The following FGF4 variants were observed in gnomAD, a reference collection of about 807,000 sequenced individuals.
The protein encoded by FGF4 is heparin secretory transforming protein 1.
Under a neutral mutation model 15.7 loss-of-function variants are expected in FGF4, and 9 were observed. The ratio of observed to expected loss-of-function variants is 0.57; its 90% CI spans 0.35 to 1.00. FGF4 has a LOEUF of 1.00. Among genes scored for constraint, FGF4 ranks in the 50% least tolerant of loss-of-function variants. The pLI is 0.02. For missense variants in FGF4, 286 were observed against 297.3 expected (o/e 0.96, Z 0.28); for synonymous variants, 164 against 144.8 (o/e 1.13, Z -0.95).
Position 69,775,039 on chromosome 11 carries a change from G to A in FGF4, c.46C>T (p.Leu16=), listed in dbSNP as rs1855624517. 2 of 1,409,542 alleles carry A rather than the reference G, an allele frequency of 1.4e-6. No individual in the cohort carries two copies. The highest frequency in any genetic ancestry group is 1.8e-6 in the Non-Finnish European group (2 of 1,088,650). 87.3% of individuals were successfully genotyped at this position (1,409,542 alleles called of 1,614,324 possible). ...TAAVALLPAV[L]LALLAPWAGR... ...GCCCAGGGCGCCAGCAAGGCCAGCAGGACCGCCGGGAGCAGCGCTACCGCG... is the reference window on the plus strand; with the variant it reads ...GCCCAGGGCGCCAGCAAGGCCAGCAAGACCGCCGGGAGCAGCGCTACCGCG... Residue 16 remains leucine, a synonymous_variant, in exon 1 of 3, where the codon CTG becomes TTG. Coordinates refer to ENST00000168712, the MANE Select transcript of FGF4 (RefSeq NM_002007.4).
chr11:69,773,283 G>T lies in FGF4; in HGVS notation c.*26C>A. On this transcript the variant is annotated 3_prime_UTR_variant, in exon 3 of 3. Coordinates refer to ENST00000168712, the MANE Select transcript of FGF4 (RefSeq NM_002007.4). ...CACTGCCCTCCCAGGGGCTTCCCGA[G>T]GCTGAGGCAAGGGTCCTCTGGAGGG... is the stretch of plus-strand genomic sequence containing the variant. 1 of 1,612,038 alleles carries T rather than the reference G, an allele frequency of 6.2e-7. No homozygotes were observed.
rs777714197 is a variant in FGF4, at chr11:69,771,955, G to A, written c.*1354C>T. 13 of 152,024 alleles carry A rather than the reference G, an allele frequency of 8.6e-5. No homozygotes were observed. Among genetic ancestry groups the A allele is most frequent in the Non-Finnish European group, 1.8e-4 (12 of 68,028 alleles). The allele number at this position is 152,024 out of a possible 1,614,324, so 9.4% of individuals were successfully genotyped here. A position where few individuals can be genotyped will look rare whatever the true frequency, so the allele number is the denominator to read the frequency against. Reference sequence around the variant, plus strand: ...ACATCACCGACCCTGCCTCTTCCACGGTTGCTTCAATGACAGGGGTTACAT... The same window carrying A: ...ACATCACCGACCCTGCCTCTTCCACAGTTGCTTCAATGACAGGGGTTACAT... On this transcript the variant is annotated 3_prime_UTR_variant, in exon 3 of 3. Coordinates refer to ENST00000168712, the MANE Select transcript of FGF4 (RefSeq NM_002007.4).
In FGF4 at chr11:69,773,407, G is replaced by A. The variant is rs150074947; in HGVS notation, c.523C>T (p.Pro175Ser). 2.4e-3 allele frequency: 3,928 copies of A among 1,614,118 alleles called. 3 individuals are homozygous for A. The highest frequency in any genetic ancestry group is 3.1e-3 in the Non-Finnish European group (3,664 of 1,179,984). ...NYNAYESYKY[P>S]GMFIALSKNG... is the part of the protein sequence containing the mutation. ...TTGCTCAGGGCGATGAACATGCCGGGGTACTTGTAGGACTCGTAGGCGTTG... is the reference window on the plus strand; with the variant it reads ...TTGCTCAGGGCGATGAACATGCCGGAGTACTTGTAGGACTCGTAGGCGTTG... The change falls in exon 3 of 3, where the codon CCC becomes TCC. Residue 175 changes from proline (P) to serine (S), a missense_variant. Pro to Ser is a moderately conservative substitution (Grantham distance 74, BLOSUM62 -1). Transcript: ENST00000168712.
chr11:69,774,934 C>A lies in FGF4; in HGVS notation c.151G>T (p.Val51Leu). Residue 51 changes from valine to leucine, a missense_variant, in exon 1 of 3, where the codon GTG (valine) becomes TTG (leucine). By Grantham distance (32) the Val-to-Leu change is conservative. Transcript: ENST00000168712. ...GGCAGGCGCGCCAACGAGAGCGCCA[C>A]CAGGCTCTCCCAGCGGCGCTCCAGC... ...AELERRWESL[V>L]ALSLARLPVA... 1 of 1,479,934 alleles carries A rather than the reference C, an allele frequency of 6.8e-7. No homozygotes were observed. The highest frequency in any genetic ancestry group is 1.5e-5 in the African/African-American group (1 of 68,232). 91.7% of individuals were successfully genotyped at this position (1,479,934 alleles called of 1,614,324 possible). A position where few individuals can be genotyped will look rare whatever the true frequency, so the allele number is the denominator to read the frequency against.
At chr11:69,774,605 G>C in intron 1 of FGF4, 140 bp downstream of exon 1, 1 of 590,664 alleles carries the variant, frequency 1.7e-6, no homozygotes, top group Non-Finnish European at 2.7e-6. Flanking sequence ...GCGTCAGAAG[G>C]GACCGGAGCC....
Position 69,774,907 on chromosome 11 carries a change from C to A in FGF4, c.178G>T (p.Val60Leu), listed in dbSNP as rs1399829479. The change falls in exon 1 of 3, where the codon GTG (valine) becomes TTG (leucine). Residue 60 changes from valine to leucine, a missense_variant. Val to Leu is a conservative substitution (Grantham distance 32). Coordinates refer to ENST00000168712, the MANE Select transcript of FGF4 (RefSeq NM_002007.4). ...GCCGCCTCCTTGGGCTGCGCTGCCA[C>A]CGGCAGGCGCGCCAACGAGAGCGCC... is the stretch of plus-strand genomic sequence containing the variant. ...LVALSLARLPVAAQPKEAAVQ... is the reference protein window; with the variant it reads ...LVALSLARLPLAAQPKEAAVQ... 6.7e-7 allele frequency: 1 copy of A among 1,481,810 alleles called. No individual in the cohort carries two copies. The highest frequency in any genetic ancestry group is 8.9e-7 in the Non-Finnish European group (1 of 1,124,054). The allele number at this position is 1,481,810 out of a possible 1,614,324, so 91.8% of individuals were successfully genotyped here.
In FGF4 at chr11:69,774,107, C is replaced by A. The variant is rs776410631; in HGVS notation, c.361G>T (p.Val121Leu). The A allele has an allele frequency of 1.9e-6, 3 of 1,612,436 alleles. No homozygotes were observed. The highest frequency in any genetic ancestry group is 2.5e-6 in the Non-Finnish European group (3 of 1,179,816). The change falls in exon 2 of 3, where the codon GTG (valine) becomes TTG (leucine). Residue 121 changes from valine to leucine, a missense_variant. By Grantham distance (32) the Val-to-Leu change is conservative. Transcript: ENST00000168712. ...TRDSLLELSP[V>L]ERGVVSIFGV... ...AAGATGCTCACCACGCCCCGCTCCA[C>A]GGGCGAGAGCTCCAGCAGGCCTGGG... is the stretch of plus-strand genomic sequence containing the variant.
chr11:69,774,150 T>C, intron 1 of FGF4, 23 bp from the exon 2 acceptor site: 5 of 1,588,828 alleles, frequency 3.1e-6, no homozygotes, highest in Non-Finnish European at 4.3e-6. Context: ...CGCAGGTCAT[T>C]GCGGGGCAGG....
intron 1 of FGF4, among the ~76,000 whole-genome samples, chr11:69,774,436 T>C (rs1855613896): frequency 6.6e-6 from 1 of 152,050 alleles, no homozygotes; most frequent in East Asian, 1.9e-4. Context: ...GGGGCGCGTG[T>C]CTCGGGCCCC....
At position 69,774,788 on chromosome 11, in the gene FGF4, G is replaced by T; in HGVS notation, c.297C>A (p.Leu99=). 6.6e-7 allele frequency: 1 copy of T among 1,520,170 alleles called. No homozygotes were observed. Among genetic ancestry groups the T allele is most frequent in the Non-Finnish European group, 8.7e-7 (1 of 1,144,764 alleles). 94.2% of individuals were successfully genotyped at this position (1,520,170 alleles called of 1,614,324 possible). A position where few individuals can be genotyped will look rare whatever the true frequency, so the allele number is the denominator to read the frequency against. Residue 99 remains leucine, a synonymous_variant, in exon 1 of 3, where the codon CTC becomes CTA. Coordinates refer to ENST00000168712, the MANE Select transcript of FGF4 (RefSeq NM_002007.4). ...NVGIGFHLQA[L]PDGRIGGAHA... is the part of the protein sequence containing the mutation. Reference sequence around the variant, plus strand: ...GCGCGCCGCCGATGCGGCCGTCGGGGAGCGCCTGGAGGTGGAAGCCGATGC... The same window carrying T: ...GCGCGCCGCCGATGCGGCCGTCGGGTAGCGCCTGGAGGTGGAAGCCGATGC...
intron 1 of FGF4, 105 bp from the exon 2 acceptor site, chr11:69,774,232 T>C: frequency 1.1e-6 from 1 of 950,806 alleles, no homozygotes. Context: ...GGGTTGGGGA[T>C]AAAGGGCCAG....
At chr11:69,773,587 T>G (rs1855602041) in intron 2 of FGF4, 102 bp from the exon 3 acceptor site, 3 of 984,898 alleles carry the variant, frequency 3.0e-6, no homozygotes, top group African/African-American at 1.7e-5. Context: ...CCCCCCACCC[T>G]GGGCTGAGAT....
intron 2 of FGF4, 43 bp from the exon 3 acceptor site, chr11:69,773,528 GGCAAGGTACCCA>G: frequency 6.2e-7 from 1 of 1,602,738 alleles, no homozygotes; most frequent in Non-Finnish European, 8.5e-7. Flanking sequence ...GCACCTCTTG[GGCAAGGTACCCA>G]GCCTGAAGCC....
intron 2 of FGF4, 40 bp downstream of exon 2, chr11:69,773,984 T>C (rs1855607184): frequency 2.0e-6 from 3 of 1,526,856 alleles, no homozygotes; most frequent in Non-Finnish European, 1.8e-6. Context: ...ATGTCCGCTG[T>C]TCCCAACTAG....
Position 69,772,310 on chromosome 11 carries a change from C to A in FGF4, c.*999G>T, listed in dbSNP as rs574704381. 2.0e-5 allele frequency: 3 copies of A among 152,332 alleles called. No homozygotes were observed. Among genetic ancestry groups the A allele is most frequent in the African/African-American group, 7.2e-5 (3 of 41,570 alleles). The allele number at this position is 152,332 out of a possible 1,614,324, so 9.4% of individuals were successfully genotyped here. A position where few individuals can be genotyped will look rare whatever the true frequency, so the allele number is the denominator to read the frequency against. ...CATCAGAAAGCAGCAGGCTGCTCCA[C>A]GCAAACACTGCACCAAGTGCTTTGT... On this transcript the variant is annotated 3_prime_UTR_variant, in exon 3 of 3. Coordinates refer to ENST00000168712, the MANE Select transcript of FGF4 (RefSeq NM_002007.4).
chr11:69,772,235 G>T lies in FGF4; in HGVS notation c.*1074C>A, dbSNP rs2119824838. ...ATGAGCTTTCTGTGGGTTTTGCCTG[G>T]GGTTTCAGGGCTTGTGAGGTAGATG... is the stretch of plus-strand genomic sequence containing the variant. On this transcript the variant is annotated 3_prime_UTR_variant, in exon 3 of 3. Coordinates refer to ENST00000168712, the MANE Select transcript of FGF4 (RefSeq NM_002007.4). The T allele has an allele frequency of 6.6e-6, 1 of 152,338 alleles. No homozygotes were observed. The highest frequency in any genetic ancestry group is 2.1e-4 in the South Asian group (1 of 4,832). The allele number at this position is 152,338 out of a possible 1,614,324, so 9.4% of individuals were successfully genotyped here.
Position 69,774,995 on chromosome 11 carries a change from G to A in FGF4, c.90C>T (p.Ala30=). The change falls in exon 1 of 3, where the codon GCC becomes GCT. Residue 30 remains alanine (A), a synonymous_variant. Transcript: ENST00000168712. ...GCGTGCCGTTGGGTGCAGTGGGTGC[G>A]GCGGCGCCCCCTCGGCCCGCCCAGG... is the stretch of plus-strand genomic sequence containing the variant. ...LAPWAGRGGA[A]APTAPNGTLE... 4.8e-6 allele frequency: 7 copies of A among 1,456,670 alleles called. No homozygotes were observed. Among genetic ancestry groups the A allele is most frequent in the Non-Finnish European group, 6.3e-6 (7 of 1,111,196 alleles). The allele number at this position is 1,456,670 out of a possible 1,614,324, so 90.2% of individuals were successfully genotyped here. A position where few individuals can be genotyped will look rare whatever the true frequency, so the allele number is the denominator to read the frequency against.
Position 69,771,561 on chromosome 11 carries a change from A to G in FGF4, c.*1748T>C, listed in dbSNP as rs1384634733. ...GCCTAGGGTGTGGTTTAAAACTTAA[A>G]AACAGTTTAGTGCATGGTAGGAACA... On this transcript the variant is annotated 3_prime_UTR_variant, in exon 3 of 3. Coordinates refer to ENST00000168712, the MANE Select transcript of FGF4 (RefSeq NM_002007.4). 1 of 152,198 alleles carries G rather than the reference A, an allele frequency of 6.6e-6. No individual in the cohort carries two copies. Among genetic ancestry groups the G allele is most frequent in the East Asian group, 1.9e-4 (1 of 5,204 alleles). 9.4% of individuals were successfully genotyped at this position (152,198 alleles called of 1,614,324 possible). A position where few individuals can be genotyped will look rare whatever the true frequency, so the allele number is the denominator to read the frequency against.
In FGF4 at chr11:69,774,754, T is replaced by A. The variant is rs757882735; in HGVS notation, c.331A>T (p.Thr111Ser). The change falls in exon 1 of 3, where the codon ACC (threonine) becomes TCC (serine). Residue 111 changes from threonine (T) to serine (S), a missense_variant. By Grantham distance (58) the Thr-to-Ser change is moderately conservative (BLOSUM62 1). Coordinates refer to ENST00000168712, the MANE Select transcript of FGF4 (RefSeq NM_002007.4). ...DGRIGGAHAD[T>S]RDSLLELSPV... ...TGGCCGCGCCACTCACTGTCGCGGG[T>A]GTCCGCGTGCGCGCCGCCGATGCGG... 1.0e-5 allele frequency: 15 copies of A among 1,491,166 alleles called. No homozygotes were observed. Among genetic ancestry groups the A allele is most frequent in the East Asian group, 8.7e-5 (3 of 34,636 alleles). The allele number at this position is 1,491,166 out of a possible 1,614,324, so 92.4% of individuals were successfully genotyped here. A position where few individuals can be genotyped will look rare whatever the true frequency, so the allele number is the denominator to read the frequency against.
Sources: allele counts gnomAD v4.1 joint callset (sites outside exome capture counted in the v4.1 genomes callset), GRCh38; gene constraint gnomAD v4.1.1; transcripts MANE v1.5; gene names NCBI Gene and HGNC (gene_info 2026-07-23, HGNC 2026-07-21).